The following IMMP2L variants were observed in gnomAD, a reference collection of about 807,000 sequenced individuals.
IMMP2L encodes the protein inner mitochondrial membrane peptidase subunit 2, also known as mitochondrial inner membrane protease subunit 2.
A neutral mutation model predicts 19.3 loss-of-function variants in IMMP2L; 18 were observed. The observed-to-expected ratio is 0.93, with a 90% CI of 0.64 to 1.38. IMMP2L has a LOEUF of 1.38. Ranked by LOEUF, IMMP2L falls within the 40% of genes most tolerant of loss-of-function variation. The pLI, the probability that IMMP2L is intolerant of heterozygous loss-of-function variation, is 0.00. For synonymous variants in IMMP2L, 76 were observed against 73.0 expected (o/e 1.04, Z -0.21); for missense variants, 233 against 218.2 (o/e 1.07, Z -0.43).
At chr7:110,960,524 A>C (rs1313303531) in intron 4 of IMMP2L, among the ~76,000 whole-genome samples, 1 of 151,954 alleles carries the variant, frequency 6.6e-6, no homozygotes, top group Admixed American at 6.6e-5. Flanking sequence ...ACATTCTTTG[A>C]ATGGGATTTG....
At chr7:111,389,276 G>C (rs1236327591) in intron 3 of IMMP2L, among the ~76,000 whole-genome samples, 1 of 152,116 alleles carries the variant, frequency 6.6e-6, no homozygotes, top group Non-Finnish European at 1.5e-5. Flanking sequence ...GATTAATGAA[G>C]ATTCCAGATT....
intron 5 of IMMP2L, among the ~76,000 whole-genome samples, chr7:110,673,339 C>A (rs1792054703): frequency 6.6e-6 from 1 of 152,224 alleles, no homozygotes; most frequent in South Asian, 2.1e-4. Flanking sequence ...CTGGGCCCAG[C>A]CCATGAAACC....
intron 4 of IMMP2L, among the ~76,000 whole-genome samples, chr7:110,925,245 T>A (rs943504495): frequency 1.5e-4 from 23 of 152,130 alleles, no homozygotes; most frequent in African/African-American, 5.3e-4. Context: ...TATATTTGGA[T>A]ATGTGGTCTT....
intron 3 of IMMP2L, among the ~76,000 whole-genome samples, chr7:111,132,398 C>T (rs1291712520): frequency 6.6e-6 from 1 of 151,990 alleles, no homozygotes; most frequent in Non-Finnish European, 1.5e-5. Context: ...TCCGATTACA[C>T]TTATCATGCA....
chr7:111,236,984 A>C (rs1814400965), intron 3 of IMMP2L, among the ~76,000 whole-genome samples: 1 of 152,136 alleles, frequency 6.6e-6, no homozygotes, highest in Non-Finnish European at 1.5e-5. Context: ...GAAACATTCT[A>C]ATACAATTAA....
At chr7:111,001,532 GT>G (rs1349649569) in intron 3 of IMMP2L, among the ~76,000 whole-genome samples, 1 of 152,074 alleles carries the variant, frequency 6.6e-6, no homozygotes, top group Admixed American at 6.6e-5. Flanking sequence ...AAGAGATCTG[GT>G]TTCATTTCAA....
chr7:111,307,370 G>T (rs1192229723), intron 3 of IMMP2L, among the ~76,000 whole-genome samples: 2 of 151,398 alleles, frequency 1.3e-5, no homozygotes, highest in Non-Finnish European at 3.0e-5. Context: ...TTTGATTTTT[G>T]GTTCCACTCC....
At chr7:111,559,669 G>C (rs971623364) in intron 1 of IMMP2L, among the ~76,000 whole-genome samples, 3 of 152,122 alleles carry the variant, frequency 2.0e-5, no homozygotes, top group Non-Finnish European at 2.9e-5. Context: ...ACAATCAAAA[G>C]GAAGATCATA....
At chr7:111,048,686 G>C (rs1792690355) in intron 3 of IMMP2L, among the ~76,000 whole-genome samples, 1 of 152,138 alleles carries the variant, frequency 6.6e-6, no homozygotes, top group Admixed American at 6.6e-5. Context: ...ATCGTCAAGA[G>C]GTTGTGATTA....
At chr7:111,095,042 C>T (rs760320700) in intron 3 of IMMP2L, among the ~76,000 whole-genome samples, 14 of 151,986 alleles carry the variant, frequency 9.2e-5, no homozygotes, top group Non-Finnish European at 1.9e-4. Flanking sequence ...TTTGTATACA[C>T]CTGCTTGCTA....
At chr7:110,929,484 T>C (rs536173208) in intron 4 of IMMP2L, among the ~76,000 whole-genome samples, 1 of 152,302 alleles carries the variant, frequency 6.6e-6, no homozygotes, top group East Asian at 1.9e-4. Context: ...GTAGAATGCT[T>C]TATAGTTCAT....
intron 1 of IMMP2L, among the ~76,000 whole-genome samples, chr7:111,554,986 C>T (rs1791098418): frequency 6.6e-6 from 1 of 151,946 alleles, no homozygotes; most frequent in East Asian, 1.9e-4. Context: ...CAGGCCTTGG[C>T]GATGACCTTG....
intron 3 of IMMP2L, among the ~76,000 whole-genome samples, chr7:111,209,837 G>A (rs1270209005): frequency 6.6e-6 from 1 of 152,146 alleles, no homozygotes; most frequent in Non-Finnish European, 1.5e-5. Flanking sequence ...TGGGCCTGAA[G>A]GTTCGGGTCA....
At chr7:110,856,971 A>C (rs1449754301) in intron 5 of IMMP2L, among the ~76,000 whole-genome samples, 1 of 152,054 alleles carries the variant, frequency 6.6e-6, no homozygotes, top group African/African-American at 2.4e-5. Context: ...CATTCATCTG[A>C]TCGATATTAA....
At chr7:111,500,675 T>C (rs1253710398) in intron 2 of IMMP2L, among the ~76,000 whole-genome samples, 1 of 152,170 alleles carries the variant, frequency 6.6e-6, no homozygotes, top group Non-Finnish European at 1.5e-5. Context: ...CAGCCACCGC[T>C]GTTCTGCAGC....
chr7:110,980,846 T>C (rs183098721), intron 3 of IMMP2L, among the ~76,000 whole-genome samples: 86 of 152,328 alleles, frequency 5.6e-4, no homozygotes, highest in African/African-American at 1.9e-3. Context: ...AAATTGTGTA[T>C]TATGCCATGG....
chr7:111,232,771 A>G (rs1813854365), intron 3 of IMMP2L, among the ~76,000 whole-genome samples: 1 of 152,088 alleles, frequency 6.6e-6, no homozygotes, highest in South Asian at 2.1e-4. Context: ...TTTACAAGAT[A>G]AATATTAACC....
At chr7:111,288,495 G>A (rs140863162) in intron 3 of IMMP2L, among the ~76,000 whole-genome samples, 2,875 of 152,208 alleles carry the variant, frequency 0.019, 95 homozygotes, top group African/African-American at 0.066. Flanking sequence ...GCAACCTACA[G>A]AATGGGAGAA....
At chr7:111,180,182 A>G (rs1315177192) in intron 3 of IMMP2L, among the ~76,000 whole-genome samples, 2 of 152,112 alleles carry the variant, frequency 1.3e-5, no homozygotes, top group Admixed American at 6.6e-5. Context: ...AACTGGTACA[A>G]GAGGCCTAGC....
Sources: gnomAD v4.1 joint callset for allele counts (sites outside exome capture counted in the v4.1 genomes callset) on GRCh38, gnomAD v4.1.1 for gene constraint, MANE v1.5 for transcripts, NCBI Gene and HGNC (gene_info 2026-07-23, HGNC 2026-07-21) for gene names.